BRAP: variants seen among roughly 807,000 people sequenced by gnomAD.
BRAP encodes the protein BRCA1-associated protein.
In BRAP, 42 loss-of-function variants were observed where a neutral mutation model predicts 73.4. The ratio of observed to expected loss-of-function variants is 0.57; its 90% CI spans 0.45 to 0.74. BRAP has a LOEUF of 0.74. Among genes scored for constraint, BRAP ranks in the 30% least tolerant of loss-of-function variants. The pLI is 0.00. For synonymous variants in BRAP, 255 were observed against 267.4 expected (o/e 0.95, Z 0.45); for missense variants, 593 against 751.4 (o/e 0.79, Z 2.46).
chr12:111,670,056 G>C, intron 5 of BRAP: 1 of 625,910 alleles, frequency 1.6e-6, no homozygotes, highest in South Asian at 1.4e-5. Context: ...AAAAGCTGCT[G>C]CTCCTGAAAA....
intron 1 of BRAP, among the ~76,000 whole-genome samples, chr12:111,683,792 T>C (rs1036666325): frequency 6.6e-5 from 10 of 152,164 alleles, no homozygotes; most frequent in South Asian, 2.1e-4. Context: ...TCCACCCGCC[T>C]TGACCTCCCA....
chr12:111,677,883 T>A (rs1887446131), intron 4 of BRAP, among the ~76,000 whole-genome samples: 2 of 152,194 alleles, frequency 1.3e-5, no homozygotes, highest in Non-Finnish European at 1.5e-5. Flanking sequence ...AATAACTGTG[T>A]ACTCTCTTGC....
At chr12:111,645,756 C>T (rs1283087870) in intron 11 of BRAP, among the ~76,000 whole-genome samples, 3 of 151,836 alleles carry the variant, frequency 2.0e-5, no homozygotes, top group Non-Finnish European at 2.9e-5. Flanking sequence ...GCGAGAGGAT[C>T]GCTTCAGTAA....
intron 1 of BRAP, chr12:111,685,446 CTAT>C (rs1335387993): frequency 2.9e-6 from 2 of 685,564 alleles, no homozygotes; most frequent in African/African-American, 3.8e-5. Flanking sequence ...CACCACTCGA[CTAT>C]CTCGAGAGGG....
intron 4 of BRAP, among the ~76,000 whole-genome samples, chr12:111,674,218 T>G (rs566363645): frequency 1.2e-4 from 18 of 152,250 alleles, no homozygotes; most frequent in Non-Finnish European, 2.1e-4. Context: ...GAGGTAATTG[T>G]GAATTCTTGA....
At chr12:111,677,006 C>G (rs966923147) in intron 4 of BRAP, among the ~76,000 whole-genome samples, 1 of 152,134 alleles carries the variant, frequency 6.6e-6, no homozygotes, top group Non-Finnish European at 1.5e-5. Context: ...CATGCAGCAA[C>G]CTGTTTCGCA....
rs1013985320 is a variant in BRAP at position 111,643,338 on chromosome 12, C to G, written c.*861G>C. On this transcript the variant is annotated 3_prime_UTR_variant, in exon 12 of 12. Transcript: ENST00000419234. ...AGAAAATACTAAACCCAACAAAATA[C>G]ACAATTAGCTAGTCAGAGGCCTCAC... 2.3e-4 allele frequency: 35 copies of G among 152,172 alleles called. No homozygotes were observed. Among genetic ancestry groups the G allele is most frequent in the African/African-American group, 7.7e-4 (32 of 41,426 alleles). 9.4% of individuals were successfully genotyped at this position (152,172 alleles called of 1,614,324 possible). A position where few individuals can be genotyped will look rare whatever the true frequency, so the allele number is the denominator to read the frequency against.
intron 5 of BRAP, among the ~76,000 whole-genome samples, chr12:111,667,556 C>T (rs774655344): frequency 1.3e-4 from 19 of 151,342 alleles, no homozygotes; most frequent in Non-Finnish European, 2.5e-4. Context: ...AAAAATTAGC[C>T]GGGTGTGGTC....
rs553297493 is a variant in BRAP at position 111,644,058 on chromosome 12, T to C, written c.*141A>G. 1.0e-5 allele frequency: 13 copies of C among 1,284,504 alleles called. No individual in the cohort carries two copies. The highest frequency in any genetic ancestry group is 6.3e-6 in the Non-Finnish European group (6 of 956,600). 79.6% of individuals were successfully genotyped at this position (1,284,504 alleles called of 1,614,324 possible). The stretch of plus-strand genomic sequence containing the variant: ...CCTTTACATTCACTACATCACACAC[T>C]AGCAAATGAAAGAGCCAAACAACTG... On this transcript the variant is annotated 3_prime_UTR_variant, in exon 12 of 12. Coordinates refer to ENST00000419234, the MANE Select transcript of BRAP (RefSeq NM_006768.5).
chr12:111,681,486 C>T (rs1397887404), intron 3 of BRAP, 151 bp downstream of exon 3: 1 of 591,296 alleles, frequency 1.7e-6, no homozygotes, highest in African/African-American at 1.9e-5. Flanking sequence ...TGTAAAACAT[C>T]TGAGAATTCT....
chr12:111,654,010 G>A (rs1886419988), intron 10 of BRAP, among the ~76,000 whole-genome samples: 1 of 152,126 alleles, frequency 6.6e-6, no homozygotes, highest in Non-Finnish European at 1.5e-5. Context: ...TAGCTTCAAG[G>A]GTCTGGATGA....
rs56801479 is a variant in BRAP at position 111,658,636 on chromosome 12, T to TA, written c.1221+99dup. ...ACTGCGCCCGGCCATGACCAAACTT[T>TA]AAAAAAAAAATGTACATCCAGGTAA... On this transcript the variant is annotated intron_variant, in intron 9 of 11. Transcript: ENST00000419234. 5.7e-3 allele frequency: 4,980 copies of TA among 880,342 alleles called. 1 individual carries two copies. Among genetic ancestry groups the TA allele is most frequent in the Middle Eastern group, 9.2e-3 (26 of 2,818 alleles). The allele number at this position is 880,342 out of a possible 1,614,324, so 54.5% of individuals were successfully genotyped here.
intron 5 of BRAP, 62 bp downstream of exon 5, chr12:111,672,599 A>T: frequency 7.0e-7 from 1 of 1,431,464 alleles, no homozygotes; most frequent in Non-Finnish European, 9.7e-7. Context: ...CAGATACCTT[A>T]GCATTCAATT....
In BRAP at chr12:111,679,076, C is replaced by T. The variant is rs1003493839; in HGVS notation, c.633+75G>A. ...CTTAAGTGCAAAATGTTGTAAATCA[C>T]ACACAGCTATCATACAGTTTGAATA... is the stretch of plus-strand genomic sequence containing the variant. On this transcript the variant is annotated intron_variant, in intron 4 of 11. Transcript: ENST00000419234. The T allele has an allele frequency of 1.5e-5, 16 of 1,093,698 alleles. No homozygotes were observed. The African/African-American group carries it at 2.4e-4, about 16-fold the overall frequency. The allele number at this position is 1,093,698 out of a possible 1,614,324, so 67.7% of individuals were successfully genotyped here.
Position 111,665,937 on chromosome 12 carries a change from G to C in BRAP, c.748-150C>G, listed in dbSNP as rs1886923300. 1 of 1,104,278 alleles carries C rather than the reference G, an allele frequency of 9.1e-7. No individual in the cohort carries two copies. Among genetic ancestry groups the C allele is most frequent in the Non-Finnish European group, 1.3e-6 (1 of 780,572 alleles). 68.4% of individuals were successfully genotyped at this position (1,104,278 alleles called of 1,614,324 possible). On this transcript the variant is annotated intron_variant, in intron 5 of 11. Coordinates refer to ENST00000419234, the MANE Select transcript of BRAP (RefSeq NM_006768.5). This position sits in a 1 kb window ranked among gnomAD's most constrained non-coding sequence, Gnocchi z 4.3. ...GGCTCATTACAGCCTTGACCTCCCAGGCTCAAGAGATCTGCCCACCTCAGG... is the reference window on the plus strand; with the variant it reads ...GGCTCATTACAGCCTTGACCTCCCACGCTCAAGAGATCTGCCCACCTCAGG...
chr12:111,648,529 T>G (rs987786781), intron 11 of BRAP, among the ~76,000 whole-genome samples: 2 of 142,216 alleles, frequency 1.4e-5, no homozygotes, highest in Non-Finnish European at 1.5e-5. Context: ...GGAGAATCAC[T>G]TGAATCCGGG....
intron 9 of BRAP, among the ~76,000 whole-genome samples, chr12:111,656,962 A>G (rs7977828): frequency 0.28 from 41,991 of 152,004 alleles, 7,660 homozygotes; most frequent in East Asian, 0.9. Context: ...GGCTGGTTTC[A>G]AAATCCTGAA....
intron 4 of BRAP, among the ~76,000 whole-genome samples, chr12:111,676,076 C>T (rs533794995): frequency 6.6e-6 from 1 of 152,070 alleles, no homozygotes; most frequent in African/African-American, 2.4e-5. Context: ...CAGGATCTTG[C>T]CATGTTGCCC....
At chr12:111,649,583 A>G (rs994101310) in intron 11 of BRAP, among the ~76,000 whole-genome samples, 7 of 152,378 alleles carry the variant, frequency 4.6e-5, no homozygotes, top group Admixed American at 3.9e-4. Context: ...AGGCCACAGC[A>G]TAGAACATCT....
Sources: allele counts gnomAD v4.1 joint callset (sites outside exome capture counted in the v4.1 genomes callset), GRCh38; gene constraint gnomAD v4.1.1; non-coding constraint Gnocchi (gnomAD v3.1); transcripts MANE v1.5; gene names NCBI Gene and HGNC (gene_info 2026-07-23, HGNC 2026-07-21).